Variants in DOCK7 observed in about 807,000 individuals in gnomAD.
DOCK7 encodes dedicator of cytokinesis protein 7.
In DOCK7, 138 loss-of-function variants were observed where a neutral mutation model predicts 271.0. The ratio of observed to expected loss-of-function variants is 0.51; its 90% CI spans 0.44 to 0.59. The LOEUF (loss-of-function observed/expected upper bound fraction) is 0.59, where lower values mean the gene tolerates loss of function less well. Among genes scored for constraint, DOCK7 ranks in the 20% least tolerant of loss-of-function variants. The probability of loss-of-function intolerance (pLI) is 0.00; values close to 1 mark genes in which losing one functional copy is unlikely to be tolerated. For synonymous variants in DOCK7, 823 were observed against 876.1 expected, an observed-to-expected ratio of 0.94 and a Z score of 1.07; for missense variants, 2,066 against 2,592.4, an observed-to-expected ratio of 0.80 and a Z score of 4.41.
chr1:62,533,100 G>GC (rs1041362789), intron 29 of DOCK7, among the ~76,000 whole-genome samples: 4 of 151,878 alleles, frequency 2.6e-5, no homozygotes, highest in South Asian at 2.1e-4. Flanking sequence ...TCCGTTCGGA[G>GC]CCCCCCCTCC....
At chr1:62,457,850 C>T (rs1571161174) in intron 48 of DOCK7, 145 bp from the exon 49 acceptor site, 2 of 727,346 alleles carry the variant, frequency 2.7e-6, no homozygotes, top group East Asian at 5.1e-5. Flanking sequence ...ATCACACACA[C>T]ATACACACAA....
intron 11 of DOCK7, among the ~76,000 whole-genome samples, chr1:62,626,787 C>A (rs985789305): frequency 2.6e-5 from 4 of 152,042 alleles, no homozygotes; most frequent in African/African-American, 9.7e-5. Flanking sequence ...AAAGACCAGG[C>A]CATGACAGGT....
At chr1:62,550,017 G>C (rs1645840780) in intron 22 of DOCK7, among the ~76,000 whole-genome samples, 1 of 152,122 alleles carries the variant, frequency 6.6e-6, no homozygotes, top group Non-Finnish European at 1.5e-5. Context: ...TTTTTTATGG[G>C]TGAATGGTAT....
At chr1:62,529,160 T>C in intron 30 of DOCK7, 117 bp downstream of exon 30, 1 of 1,012,252 alleles carries the variant, frequency 9.9e-7, no homozygotes, top group Non-Finnish European at 1.3e-6. Context: ...TATAGTTTAC[T>C]TTGATCAGCA....
chr1:62,507,570 A>G (rs939887769), intron 35 of DOCK7, among the ~76,000 whole-genome samples: 5 of 152,388 alleles, frequency 3.3e-5, no homozygotes, highest in African/African-American at 9.6e-5. Flanking sequence ...CACAATGATT[A>G]TAGATAAAAA....
chr1:62,467,354 C>T (rs1645709917), intron 48 of DOCK7, among the ~76,000 whole-genome samples: 1 of 152,114 alleles, frequency 6.6e-6, no homozygotes, highest in South Asian at 2.1e-4. Context: ...GAAACTATAC[C>T]ACAGGAATTA....
chr1:62,653,279 T>C (rs1490021771), intron 4 of DOCK7, among the ~76,000 whole-genome samples: 3 of 152,234 alleles, frequency 2.0e-5, no homozygotes, highest in African/African-American at 4.8e-5. Context: ...TGATTGGATG[T>C]AGAGGTCAAA....
At chr1:62,572,982 CTAAATTTGG>C (rs1646832191) in intron 18 of DOCK7, among the ~76,000 whole-genome samples, 1 of 152,142 alleles carries the variant, frequency 6.6e-6, no homozygotes, top group Admixed American at 6.5e-5. Context: ...GCTAACTTTG[CTAAATTTGG>C]TATATAAATT....
At chr1:62,625,167 C>T in intron 12 of DOCK7, 92 bp downstream of exon 12, 2 of 1,155,424 alleles carry the variant, frequency 1.7e-6, no homozygotes, top group South Asian at 2.2e-5. Context: ...AATCACCCTC[C>T]CATACATGTA....
chr1:62,602,009 T>C (rs1447097255), intron 14 of DOCK7: 4 of 627,312 alleles, frequency 6.4e-6, no homozygotes, highest in South Asian at 4.1e-5. Context: ...TTCGTATAAA[T>C]ATAATACTTT....
At chr1:62,537,518 G>C (rs558998907) in intron 28 of DOCK7, among the ~76,000 whole-genome samples, 1 of 150,798 alleles carries the variant, frequency 6.6e-6, no homozygotes, top group Non-Finnish European at 1.5e-5. Flanking sequence ...CCCCAGAGGC[G>C]GAAGTTGCAG....
rs372687790 is a variant in DOCK7, at chr1:62,544,302, T to C, written c.2860-557A>G. On this transcript the variant is annotated intron_variant, in intron 23 of 49. Coordinates refer to ENST00000635253, the MANE Select transcript of DOCK7 (RefSeq NM_001367561.1). The stretch of plus-strand genomic sequence containing the variant: ...CTCCAAAGCCAACACAGATGAGAAG[T>C]ATATTTTGAGATATCATGCAGTATT... Among the ~76,000 whole-genome samples the C allele has an allele frequency of 5.3e-5, 8 of 152,302 alleles. No individual in the cohort carries two copies. In the East Asian group the frequency reaches 1.3e-3, roughly 26 times the overall value.
chr1:62,664,329 T>A (rs1659023513), intron 1 of DOCK7, among the ~76,000 whole-genome samples: 1 of 152,172 alleles, frequency 6.6e-6, no homozygotes. Flanking sequence ...GTTTCCCCCA[T>A]ACTGTTCTCA....
chr1:62,631,520 G>A, intron 10 of DOCK7, 115 bp from the exon 11 acceptor site: 1 of 902,156 alleles, frequency 1.1e-6, no homozygotes, highest in African/African-American at 1.7e-5. Context: ...GCAGAGATGA[G>A]AAAAAAATCT....
chr1:62,461,511 T>G (rs1437266982), intron 48 of DOCK7, among the ~76,000 whole-genome samples: 1 of 151,152 alleles, frequency 6.6e-6, no homozygotes, highest in Non-Finnish European at 1.5e-5. Flanking sequence ...TGAGACTCTG[T>G]CACTATAAAA....
At chr1:62,628,787 T>G (rs1000929200) in intron 11 of DOCK7, 1 of 152,182 alleles carries the variant, frequency 6.6e-6, no homozygotes, top group Non-Finnish European at 1.5e-5. Flanking sequence ...TATCATATAT[T>G]AGGCAAGGAA....
intron 18 of DOCK7, among the ~76,000 whole-genome samples, chr1:62,573,304 C>T (rs1446111015): frequency 9.9e-5 from 15 of 152,082 alleles, no homozygotes; most frequent in African/African-American, 2.4e-5. Flanking sequence ...TGATTGTAGA[C>T]GATGATGCTG....
intron 43 of DOCK7, chr1:62,486,242 ACTGG>A (rs1198797201): frequency 6.6e-6 from 1 of 152,150 alleles, no homozygotes; most frequent in East Asian, 1.9e-4. Flanking sequence ...TTATAAAAGT[ACTGG>A]CTTCATCTAA....
rs544899871 is a variant in DOCK7, at chr1:62,584,853, G to A, written c.1801-1599C>T. The A allele has an allele frequency of 4.0e-5, 29 of 718,746 alleles. No individual in the cohort carries two copies. The East Asian group carries it at 6.2e-4, about 15-fold the overall frequency. The allele number at this position is 718,746 out of a possible 1,614,324, so 44.5% of individuals were successfully genotyped here. Reference sequence around the variant, plus strand: ...CCAAAGAGGGAGAGGTCTAACTGTCGGTATAGGATGGGTGCAGCTGGGGCT... The same window carrying A: ...CCAAAGAGGGAGAGGTCTAACTGTCAGTATAGGATGGGTGCAGCTGGGGCT... On this transcript the variant is annotated intron_variant, in intron 15 of 49. Coordinates refer to ENST00000635253, the MANE Select transcript of DOCK7 (RefSeq NM_001367561.1).
Sources: gnomAD v4.1 joint callset for allele counts (sites outside exome capture counted in the v4.1 genomes callset) on GRCh38, gnomAD v4.1.1 for gene constraint, MANE v1.5 for transcripts, NCBI Gene and HGNC (gene_info 2026-07-23, HGNC 2026-07-21) for gene names.